LHFPL3: variants seen among roughly 807,000 people sequenced by gnomAD.
LHFPL3 encodes LHFPL tetraspan subfamily member 3, also known as LHFPL tetraspan subfamily member 3 protein.
LHFPL3 carries 5 observed loss-of-function variants against 19.3 expected under a neutral mutation model. That is an observed-to-expected ratio of 0.26 (90% CI 0.14 to 0.54). The LOEUF is 0.54. LHFPL3 is among the 20% of genes least tolerant of loss of function. The pLI, the probability that LHFPL3 is intolerant of heterozygous loss-of-function variation, is 0.94. For missense variants in LHFPL3, 249 were observed against 307.4 expected (o/e 0.81, Z 1.42); for synonymous variants, 133 against 126.2 (o/e 1.05, Z -0.36).
At chr7:104,840,474 C>CTTTTTTTTTTT (rs71155530) in intron 2 of LHFPL3, among the ~76,000 whole-genome samples, 2 of 65,540 alleles carry the variant, frequency 3.1e-5, no homozygotes, top group African/African-American at 5.8e-5. Flanking sequence ...TTTTCTTTTC[C>CTTTTTTTTTTT]TTTTTTTTTT....
intron 2 of LHFPL3, among the ~76,000 whole-genome samples, chr7:104,742,668 C>A (rs757221424): frequency 2.5e-4 from 38 of 152,124 alleles, no homozygotes; most frequent in Admixed American, 9.2e-4. Context: ...CTGTGAAATG[C>A]AGGGCATGAC....
At chr7:104,639,257 A>C (rs1254012964) in intron 1 of LHFPL3, among the ~76,000 whole-genome samples, 1 of 151,996 alleles carries the variant, frequency 6.6e-6, no homozygotes, top group Non-Finnish European at 1.5e-5. Context: ...TTCAGAGTTC[A>C]TTATTGGTCT....
At chr7:104,480,930 T>C (rs531966943) in intron 1 of LHFPL3, among the ~76,000 whole-genome samples, 1 of 152,318 alleles carries the variant, frequency 6.6e-6, no homozygotes, top group South Asian at 2.1e-4. Flanking sequence ...GTTTGTGAAA[T>C]AAAGACCCAG....
intron 1 of LHFPL3, among the ~76,000 whole-genome samples, chr7:104,565,096 T>C (rs1790093758): frequency 6.6e-6 from 1 of 152,200 alleles, no homozygotes; most frequent in South Asian, 2.1e-4. Flanking sequence ...TAATTTATCA[T>C]CAATAGAAAA....
At chr7:104,424,271 G>C (rs1473674018) in intron 1 of LHFPL3, among the ~76,000 whole-genome samples, 1 of 152,196 alleles carries the variant, frequency 6.6e-6, no homozygotes, top group East Asian at 1.9e-4. Flanking sequence ...AGAAGCATCA[G>C]AGCCCCACTT....
intron 2 of LHFPL3, among the ~76,000 whole-genome samples, chr7:104,767,594 C>T (rs1794478019): frequency 6.6e-6 from 1 of 152,166 alleles, no homozygotes; most frequent in African/African-American, 2.4e-5. Context: ...TCTTATACTG[C>T]TTTGTATCTC....
chr7:104,878,726 G>A (rs577712347), intron 2 of LHFPL3, among the ~76,000 whole-genome samples: 2 of 152,280 alleles, frequency 1.3e-5, no homozygotes, highest in South Asian at 2.1e-4. Context: ...AAGGCATGCC[G>A]AAAGCTGAGA....
intron 1 of LHFPL3, among the ~76,000 whole-genome samples, chr7:104,444,185 A>G (rs1264686756): frequency 6.6e-6 from 1 of 152,234 alleles, no homozygotes; most frequent in Non-Finnish European, 1.5e-5. Context: ...ATTTGTAACC[A>G]GCAGAGCAGC....
At chr7:104,716,190 T>C (rs147698740) in intron 1 of LHFPL3, among the ~76,000 whole-genome samples, 75 of 152,052 alleles carry the variant, frequency 4.9e-4, no homozygotes, top group Middle Eastern at 3.4e-3. Flanking sequence ...CTACTAAAAA[T>C]ACAAAAATTA....
chr7:104,445,435 C>T (rs550894245), intron 1 of LHFPL3, among the ~76,000 whole-genome samples: 65 of 152,194 alleles, frequency 4.3e-4, no homozygotes, highest in African/African-American at 1.5e-3. Context: ...TTAAGAGTGT[C>T]TATTTTATAG....
chr7:104,471,993 C>G (rs1792917066), intron 1 of LHFPL3, among the ~76,000 whole-genome samples: 1 of 151,980 alleles, frequency 6.6e-6, no homozygotes, highest in Admixed American at 6.6e-5. Context: ...GCCTGGGCAA[C>G]ATAATGAGAA....
intron 2 of LHFPL3, among the ~76,000 whole-genome samples, chr7:104,839,555 GCTACT>G (rs1218908818): frequency 4.6e-5 from 7 of 152,042 alleles, no homozygotes; most frequent in African/African-American, 1.7e-4. Context: ...TGTAATCCCA[GCTACT>G]TGGGAGGCTG....
At chr7:104,421,977 G>T (rs1584308756) in intron 1 of LHFPL3, among the ~76,000 whole-genome samples, 1 of 152,156 alleles carries the variant, frequency 6.6e-6, no homozygotes, top group East Asian at 1.9e-4. Context: ...GTAATGTGAA[G>T]TAGGCCATCT....
At chr7:104,353,072 T>G (rs1790209415) in intron 1 of LHFPL3, among the ~76,000 whole-genome samples, 1 of 152,216 alleles carries the variant, frequency 6.6e-6, no homozygotes, top group African/African-American at 2.4e-5. Context: ...TAAAATTTAC[T>G]GGTTTTTGTT....
At chr7:104,832,942 G>A (rs1790984455) in intron 2 of LHFPL3, among the ~76,000 whole-genome samples, 2 of 103,072 alleles carry the variant, frequency 1.9e-5, no homozygotes, top group Admixed American at 1.2e-4. Context: ...TTCTCTAGAG[G>A]GACAGAACTA....
intron 2 of LHFPL3, among the ~76,000 whole-genome samples, chr7:104,853,100 G>A (rs1791441694): frequency 6.6e-6 from 1 of 152,256 alleles, no homozygotes; most frequent in Admixed American, 6.5e-5. Context: ...GTGCTGCAGT[G>A]TGTCTGGTGG....
At chr7:104,520,459 C>A (rs1249966447) in intron 1 of LHFPL3, among the ~76,000 whole-genome samples, 2 of 147,318 alleles carry the variant, frequency 1.4e-5, no homozygotes, top group African/African-American at 2.6e-5. Context: ...ATGCTGGCCT[C>A]GTAAAATGAG....
At chr7:104,628,382 G>T (rs978827087) in intron 1 of LHFPL3, among the ~76,000 whole-genome samples, 2 of 152,136 alleles carry the variant, frequency 1.3e-5, no homozygotes, top group African/African-American at 4.8e-5. Context: ...ATACAGCACT[G>T]CCCTGACATA....
chr7:104,704,328 C>T (rs999382061), intron 1 of LHFPL3, among the ~76,000 whole-genome samples: 15 of 152,078 alleles, frequency 9.9e-5, no homozygotes, highest in Non-Finnish European at 1.6e-4. Context: ...ATTTTAGTTC[C>T]GGGATATTAT....
Sources: allele counts gnomAD v4.1 joint callset (sites outside exome capture counted in the v4.1 genomes callset), GRCh38; gene constraint gnomAD v4.1.1; transcripts MANE v1.5; gene names NCBI Gene and HGNC (gene_info 2026-07-23, HGNC 2026-07-21).